TESK2: variants seen among roughly 807,000 people sequenced by gnomAD.
TESK2 encodes the protein testis associated actin remodelling kinase 2, also known as dual specificity testis-specific protein kinase 2.
Under a neutral mutation model 57.1 loss-of-function variants are expected in TESK2, and 39 were observed. The observed-to-expected ratio is 0.68, with a 90% confidence interval of 0.53 to 0.89. The LOEUF (loss-of-function observed/expected upper bound fraction) is 0.89, where lower values mean the gene tolerates loss of function less well. Ranked by LOEUF, TESK2 falls within the 40% of genes least tolerant of loss-of-function variation. The pLI is 0.00. For missense variants in TESK2, 646 were observed against 732.1 expected (o/e 0.88, Z 1.36); for synonymous variants, 249 against 267.9 (o/e 0.93, Z 0.69).
At chr1:45,366,783 A>G (rs917085485) in intron 4 of TESK2, among the ~76,000 whole-genome samples, 4 of 152,170 alleles carry the variant, frequency 2.6e-5, no homozygotes. Flanking sequence ...TTTAAGATAT[A>G]AAAGAGAAAT....
At chr1:45,415,035 C>T in intron 3 of TESK2, 2 of 1,133,898 alleles carry the variant, frequency 1.8e-6, no homozygotes, top group Non-Finnish European at 2.6e-6. Context: ...GTCAACCCCA[C>T]CATGTTCTTC....
rs999424057 is a variant in TESK2, at chr1:45,392,429, G to A, written c.345-6469C>T. Among the ~76,000 whole-genome samples, 8 of 152,130 alleles carry A rather than the reference G, an allele frequency of 5.3e-5. No homozygotes were observed. The South Asian group carries it at 1.2e-3, about 24-fold the overall frequency. On this transcript the variant is annotated intron_variant, in intron 3 of 10. Transcript: ENST00000372086. ...CTATTTGAATATTTTTTAGCCCGGC[G>A]CGGTGGCTCACGCCTGTAATCCCAG... is the stretch of plus-strand genomic sequence containing the variant.
At chr1:45,351,189 A>G (rs1380631198) in intron 5 of TESK2, among the ~76,000 whole-genome samples, 1 of 152,276 alleles carries the variant, frequency 6.6e-6, no homozygotes, top group Non-Finnish European at 1.5e-5. Context: ...CCCAAGAGCC[A>G]AGGCTCGGGT....
At position 45,343,919 on chromosome 1, in the gene TESK2, T is replaced by C. The variant is rs1248294323; in HGVS notation, c.*921A>G. 4.5e-6 allele frequency: 2 copies of C among 446,742 alleles called. No individual in the cohort carries two copies. Among genetic ancestry groups the C allele is most frequent in the African/African-American group, 2.0e-5 (1 of 51,236 alleles). The allele number at this position is 446,742 out of a possible 1,614,324, so 27.7% of individuals were successfully genotyped here. A position where few individuals can be genotyped will look rare whatever the true frequency, so the allele number is the denominator to read the frequency against. ...CTGACTTTATTTTTAAGTCTGAAAA[T>C]GTCTTGGGAAAGTTTTACAAAAAAA... On this transcript the variant is annotated 3_prime_UTR_variant, in exon 11 of 11. Transcript: ENST00000372086. The surrounding 1 kb of genome is among the most constrained non-coding windows in gnomAD (Gnocchi z 4.3).
chr1:45,351,700 G>A (rs915774433), intron 5 of TESK2, among the ~76,000 whole-genome samples: 1 of 152,224 alleles, frequency 6.6e-6, no homozygotes, highest in African/African-American at 2.4e-5. Context: ...GAGCACGGAG[G>A]TTCCAAGGTC....
Position 45,344,602 on chromosome 1 carries a change from A to T in TESK2, c.*238T>A, listed in dbSNP as rs1473868731. ...CTGGAGAGGGTCTGGTGGGAGGCAGACCTCCTTGCTGGATTTCAGAGGCTT... is the reference window on the plus strand; with the variant it reads ...CTGGAGAGGGTCTGGTGGGAGGCAGTCCTCCTTGCTGGATTTCAGAGGCTT... On this transcript the variant is annotated 3_prime_UTR_variant, in exon 11 of 11. Coordinates refer to ENST00000372086, the MANE Select transcript of TESK2 (RefSeq NM_007170.3). The T allele has an allele frequency of 3.8e-6, 2 of 527,438 alleles. No homozygotes were observed. Among genetic ancestry groups the T allele is most frequent in the Non-Finnish European group, 6.8e-6 (2 of 294,408 alleles). The allele number at this position is 527,438 out of a possible 1,614,324, so 32.7% of individuals were successfully genotyped here.
At chr1:45,436,217 C>G (rs1351191214) in intron 2 of TESK2, among the ~76,000 whole-genome samples, 2 of 66,926 alleles carry the variant, frequency 3.0e-5, no homozygotes, top group African/African-American at 1.0e-4. Context: ...TGGAGACTCA[C>G]TCTGTCACCC....
rs796972606 is a variant in TESK2 at position 45,408,706 on chromosome 1, G to A, written c.344+13019C>T. On this transcript the variant is annotated intron_variant, in intron 3 of 10. Coordinates refer to ENST00000372086, the MANE Select transcript of TESK2 (RefSeq NM_007170.3). ...AAAAAATCCATCAATTTCCTGGCAA[G>A]TGGCAGGGTTGAGGGTAGGATAGGA... Among the ~76,000 whole-genome samples the A allele has an allele frequency of 3.3e-4, 51 of 152,310 alleles. 1 individual carries two copies. Among genetic ancestry groups the A allele is most frequent in the African/African-American group, 1.2e-3 (51 of 41,568 alleles).
At chr1:45,483,346 A>G (rs1390334909) in intron 1 of TESK2, among the ~76,000 whole-genome samples, 1 of 152,010 alleles carries the variant, frequency 6.6e-6, no homozygotes. Context: ...CTGTAATCCC[A>G]GCACTTTGGG....
At chr1:45,422,695 C>T (rs1314820929) in intron 2 of TESK2, among the ~76,000 whole-genome samples, 3 of 150,386 alleles carry the variant, frequency 2.0e-5, no homozygotes, top group Admixed American at 6.7e-5. Context: ...CTGCCTGCCT[C>T]GGCCTCCCAA....
intron 3 of TESK2, among the ~76,000 whole-genome samples, chr1:45,386,586 T>C (rs1249634418): frequency 6.6e-6 from 1 of 152,070 alleles, no homozygotes. Flanking sequence ...GATTAGTTTT[T>C]TTACTGGTGA....
At chr1:45,365,731 T>G (rs940584117) in intron 4 of TESK2, among the ~76,000 whole-genome samples, 1 of 147,494 alleles carries the variant, frequency 6.8e-6, no homozygotes, top group African/African-American at 2.6e-5. Flanking sequence ...CAGGCTGCAG[T>G]GCAGTGGCGT....
intron 3 of TESK2, among the ~76,000 whole-genome samples, chr1:45,400,974 A>T (rs1649571742): frequency 6.7e-6 from 1 of 149,810 alleles, no homozygotes; most frequent in Non-Finnish European, 1.5e-5. Context: ...GTGAGCCGGT[A>T]TCATGCCACT....
chr1:45,360,752 G>A (rs575830687), intron 4 of TESK2, among the ~76,000 whole-genome samples: 7 of 152,314 alleles, frequency 4.6e-5, no homozygotes, highest in South Asian at 4.1e-4. Context: ...CTCAGAAACC[G>A]CTTCTCAATG....
chr1:45,364,827 T>A (rs1455495913), intron 4 of TESK2, among the ~76,000 whole-genome samples: 1 of 152,152 alleles, frequency 6.6e-6, no homozygotes, highest in Non-Finnish European at 1.5e-5. Context: ...GATTCCAAAT[T>A]GAAAGGTTCA....
At chr1:45,427,861 T>C (rs1393514516) in intron 2 of TESK2, among the ~76,000 whole-genome samples, 1 of 152,122 alleles carries the variant, frequency 6.6e-6, no homozygotes, top group Non-Finnish European at 1.5e-5. Flanking sequence ...GTGATTACAC[T>C]CAACAATAAT....
At chr1:45,350,021 A>C (rs1221402273) in intron 5 of TESK2, among the ~76,000 whole-genome samples, 2 of 152,192 alleles carry the variant, frequency 1.3e-5, no homozygotes, top group Non-Finnish European at 2.9e-5. Flanking sequence ...AGGCACCTGT[A>C]ATCCCAGCTA....
At chr1:45,363,723 C>G (rs1557544051) in intron 4 of TESK2, among the ~76,000 whole-genome samples, 2 of 146,022 alleles carry the variant, frequency 1.4e-5, no homozygotes, top group Non-Finnish European at 3.0e-5. Context: ...AGTAATTATT[C>G]TTTTTTTTTT....
At chr1:45,464,030 G>A (rs1652436645) in intron 1 of TESK2, among the ~76,000 whole-genome samples, 1 of 152,128 alleles carries the variant, frequency 6.6e-6, no homozygotes, top group Non-Finnish European at 1.5e-5. Flanking sequence ...GTCTTTTGTG[G>A]TTCTAAAATT....
Sources: allele counts gnomAD v4.1 joint callset (sites outside exome capture counted in the v4.1 genomes callset), GRCh38; gene constraint gnomAD v4.1.1; non-coding constraint Gnocchi (gnomAD v3.1); transcripts MANE v1.5; gene names NCBI Gene and HGNC (gene_info 2026-07-23, HGNC 2026-07-21).